The following FILIP1 variants were observed in gnomAD, a reference collection of about 807,000 sequenced individuals.
FILIP1 encodes the protein filamin A interacting protein 1, also known as filamin-A-interacting protein 1.
A neutral mutation model predicts 102.1 loss-of-function variants in FILIP1; 61 were observed. The observed-to-expected ratio is 0.60, with a 90% CI of 0.49 to 0.74. The LOEUF (loss-of-function observed/expected upper bound fraction) is 0.74, where lower values mean the gene tolerates loss of function less well. Ranked by LOEUF, FILIP1 falls within the 30% of genes least tolerant of loss-of-function variation. FILIP1 has a pLI of 0.00. For synonymous variants in FILIP1, 491 were observed against 526.9 expected (o/e 0.93, Z 0.93); for missense variants, 1,314 against 1,441.2 (o/e 0.91, Z 1.43).
At position 75,308,425 on chromosome 6, in the gene FILIP1, TGATGGGTCCACTTGCTA is replaced by T; in HGVS notation, c.*249_*265del. The T allele has an allele frequency of 8.0e-7, 1 of 1,247,200 alleles. No homozygotes were observed. The highest frequency in any genetic ancestry group is 1.0e-6 in the Non-Finnish European group (1 of 970,462). The allele number at this position is 1,247,200 out of a possible 1,614,324, so 77.3% of individuals were successfully genotyped here. ...AGGAAACAGGCTCAGATGGGTCTATTGATGGGTCCACTTGCTAGAAGCAAAACTGGAACTAGAAACCA... is the reference window on the plus strand; with the variant it reads ...AGGAAACAGGCTCAGATGGGTCTATTGAAGCAAAACTGGAACTAGAAACCA... On this transcript the variant is annotated 3_prime_UTR_variant, in exon 6 of 6. Coordinates refer to ENST00000237172, the MANE Select transcript of FILIP1 (RefSeq NM_015687.5).
At chr6:75,471,828 T>A (rs1217643710) in intron 1 of FILIP1, among the ~76,000 whole-genome samples, 1 of 152,200 alleles carries the variant, frequency 6.6e-6, no homozygotes, top group African/African-American at 2.4e-5. Flanking sequence ...TCATTTATGC[T>A]AAAATACATA....
At chr6:75,355,449 AG>A (rs1244034280) in intron 3 of FILIP1, among the ~76,000 whole-genome samples, 1 of 141,472 alleles carries the variant, frequency 7.1e-6, no homozygotes, top group Non-Finnish European at 1.5e-5. Context: ...GCTGGAGTGC[AG>A]TGGCACGACC....
chr6:75,443,878 T>C (rs1412497925), intron 1 of FILIP1, among the ~76,000 whole-genome samples: 3 of 152,232 alleles, frequency 2.0e-5, no homozygotes, highest in Non-Finnish European at 4.4e-5. Flanking sequence ...TTGAGCTGTA[T>C]AGCAAAAGGG....
chr6:75,413,078 CACCACTATAAACATAAAA>C (rs1777131209), intron 2 of FILIP1, among the ~76,000 whole-genome samples: 1 of 152,064 alleles, frequency 6.6e-6, no homozygotes, highest in Admixed American at 6.6e-5. Flanking sequence ...CCTTATCTAG[CACCACTATAAACATAAAA>C]ACCACATGAA....
Position 75,314,642 on chromosome 6 carries a change from A to G in FILIP1, c.1190T>C (p.Ile397Thr), listed in dbSNP as rs369160081. 6 of 1,613,244 alleles carry G rather than the reference A, an allele frequency of 3.7e-6. No homozygotes were observed. Among genetic ancestry groups the G allele is most frequent in the Non-Finnish European group, 5.1e-6 (6 of 1,179,854 alleles). The change falls in exon 5 of 6, where the codon ATC becomes ACC. Residue 397 changes from isoleucine (I) to threonine (T), a missense_variant. By Grantham distance (89) the Ile-to-Thr change is moderately conservative. Around this residue, in one of 3 missense-constraint regions of FILIP1, gnomAD observed 494 missense variants for 511.2 expected, o/e 0.97. Coordinates refer to ENST00000237172, the MANE Select transcript of FILIP1 (RefSeq NM_015687.5). ...VLEMEGKDEE[I>T]TKTESQCREL... The stretch of plus-strand genomic sequence containing the variant: ...CCTACACTGGGATTCAGTTTTAGTG[A>G]TCTCCTCATCTTTACCTTCCATTTC...
Position 75,353,522 on chromosome 6 carries a change from G to A in FILIP1, c.629+17C>T. On this transcript the variant is annotated intron_variant, in intron 4 of 5. Coordinates refer to ENST00000237172, the MANE Select transcript of FILIP1 (RefSeq NM_015687.5). ...TATGGGCATCCAGATGTGACTGGTG[G>A]TGTGTGTGCACATTACCTCTCCCGC... 2 of 1,613,562 alleles carry A rather than the reference G, an allele frequency of 1.2e-6. No individual in the cohort carries two copies. The highest frequency in any genetic ancestry group is 2.7e-5 in the African/African-American group (2 of 75,040).
rs558685378 is a variant in FILIP1, at chr6:75,488,434, A to G, written c.-7+4980T>C. ...CTCTCATTAGCTAAAACATAGACTG[A>G]CCATTTAAGAAAAAAAAAAAAACAT... On this transcript the variant is annotated intron_variant, in intron 1 of 5. Coordinates refer to ENST00000237172, the MANE Select transcript of FILIP1 (RefSeq NM_015687.5). 2.5e-3 allele frequency among the ~76,000 whole-genome samples: 370 copies of G among 150,678 alleles called. 2 individuals carry two copies. Among genetic ancestry groups the G allele is most frequent in the South Asian group, 4.9e-3 (23 of 4,724 alleles).
chr6:75,334,246 T>G (rs1026909070), intron 4 of FILIP1, among the ~76,000 whole-genome samples: 8 of 152,284 alleles, frequency 5.3e-5, no homozygotes, highest in African/African-American at 1.7e-4. Flanking sequence ...TTTTCAGTTC[T>G]GGTACAAACT....
chr6:75,346,504 C>T (rs956025723), intron 4 of FILIP1, among the ~76,000 whole-genome samples: 7 of 152,172 alleles, frequency 4.6e-5, no homozygotes, highest in African/African-American at 1.7e-4. Flanking sequence ...TAATGGTCTC[C>T]TTCATATTTA....
intron 1 of FILIP1, among the ~76,000 whole-genome samples, chr6:75,473,138 A>G (rs778727494): frequency 3.9e-5 from 6 of 152,190 alleles, no homozygotes; most frequent in Non-Finnish European, 7.3e-5. Flanking sequence ...TGAGAAGATC[A>G]TATGTTGCTT....
intron 1 of FILIP1, among the ~76,000 whole-genome samples, chr6:75,481,216 C>T (rs1242088190): frequency 3.3e-5 from 5 of 152,098 alleles, no homozygotes; most frequent in African/African-American, 9.7e-5. Flanking sequence ...TTGTTTTACC[C>T]GTAACTCCTG....
At chr6:75,376,422 T>C (rs1338078731) in intron 2 of FILIP1, among the ~76,000 whole-genome samples, 4 of 152,112 alleles carry the variant, frequency 2.6e-5, no homozygotes, top group African/African-American at 4.8e-5. Flanking sequence ...CTGGTAAATG[T>C]TGGTTACTCC....
intron 1 of FILIP1, among the ~76,000 whole-genome samples, chr6:75,466,480 A>G (rs1395414279): frequency 6.6e-5 from 10 of 152,262 alleles, no homozygotes; most frequent in Non-Finnish European, 1.5e-4. Flanking sequence ...GTATCCATTC[A>G]TCAACAACGT....
chr6:75,313,755 C>T lies in FILIP1; in HGVS notation c.2077G>A (p.Ala693Thr), dbSNP rs769055972. ...CTCACAACCTCACCCTTCTCTATTG[C>T]TTTATTCTTGGCAATTTGGTGCTTG... ...EIKHQIAKNK[A>T]IEKGEVVSQE... is the part of the protein sequence containing the mutation. The change falls in exon 5 of 6, where the codon GCA (alanine) becomes ACA (threonine). Residue 693 changes from alanine (A) to threonine (T), a missense_variant. By Grantham distance (58) the Ala-to-Thr change is moderately conservative (BLOSUM62 0). This residue lies in a region of FILIP1 where 816 missense variants were observed against 913.1 expected (regional missense o/e 0.89). Transcript: ENST00000237172. The surrounding 1 kb of genome is among the most constrained non-coding windows in gnomAD (Gnocchi z 4.2). 2 of 1,593,124 alleles carry T rather than the reference C, an allele frequency of 1.3e-6. No individual in the cohort carries two copies. The highest frequency in any genetic ancestry group is 1.4e-5 in the African/African-American group (1 of 74,064).
chr6:75,412,955 T>C (rs979167723), intron 2 of FILIP1, among the ~76,000 whole-genome samples: 3 of 152,190 alleles, frequency 2.0e-5, no homozygotes, highest in African/African-American at 7.2e-5. Context: ...TGTAGGTATA[T>C]TGTATTTATA....
intron 2 of FILIP1, among the ~76,000 whole-genome samples, chr6:75,372,789 AGAAAGAAG>A (rs1562516198): frequency 0.017 from 1,248 of 73,982 alleles, 205 homozygotes; most frequent in African/African-American, 0.03. Flanking sequence ...AAAGAAAGAA[AGAAAGAAG>A]GAAAGAAAGA....
At chr6:75,422,700 G>A (rs961119577) in intron 1 of FILIP1, among the ~76,000 whole-genome samples, 1 of 152,110 alleles carries the variant, frequency 6.6e-6, no homozygotes, top group African/African-American at 2.4e-5. Context: ...ATGATGCACT[G>A]AGCAGTGGCT....
chr6:75,465,290 C>G, intron 1 of FILIP1: 1 of 319,468 alleles, frequency 3.1e-6, no homozygotes, highest in Non-Finnish European at 5.9e-6. Flanking sequence ...AATTGGGCCT[C>G]CAAGAACAAT....
intron 1 of FILIP1, among the ~76,000 whole-genome samples, chr6:75,474,127 C>T (rs558961407): frequency 7.9e-5 from 12 of 152,016 alleles, no homozygotes; most frequent in East Asian, 1.9e-4. Context: ...AAATGGTTAC[C>T]GTTAATGTTA....
Sources: allele counts gnomAD v4.1 joint callset (sites outside exome capture counted in the v4.1 genomes callset), GRCh38; gene constraint gnomAD v4.1.1; regional missense constraint gnomAD v4.1.1; non-coding constraint Gnocchi (gnomAD v3.1); transcripts MANE v1.5; gene names NCBI Gene and HGNC (gene_info 2026-07-23, HGNC 2026-07-21).